Variants in DPF3 observed in about 807,000 individuals in gnomAD.
The protein encoded by DPF3 is zinc finger protein DPF3.
In DPF3, 18 loss-of-function variants were observed where a neutral mutation model predicts 56.8. The ratio of observed to expected loss-of-function variants is 0.32; its 90% confidence interval spans 0.22 to 0.47. The LOEUF (loss-of-function observed/expected upper bound fraction) is 0.47, where lower values mean the gene tolerates loss of function less well. Among genes scored for constraint, DPF3 ranks in the 20% least tolerant of loss-of-function variants. The pLI is 1.00. For synonymous variants in DPF3, 188 were observed against 180.2 expected (o/e 1.04, Z -0.35); for missense variants, 403 against 488.8 (o/e 0.82, Z 1.65).
chr14:72,847,051 T>A, intron 1 of DPF3, among the ~76,000 whole-genome samples: 1 of 152,174 alleles, frequency 6.6e-6, no homozygotes, highest in East Asian at 1.9e-4. Flanking sequence ...GGGTTCAACA[T>A]CCCACTTTGC....
At chr14:72,888,687 T>C (rs1886640996) in intron 1 of DPF3, among the ~76,000 whole-genome samples, 1 of 152,238 alleles carries the variant, frequency 6.6e-6, no homozygotes, top group South Asian at 2.1e-4. Flanking sequence ...CTATTTAAAA[T>C]TAGGGCCATG....
At chr14:72,786,063 A>G (rs1029532808) in intron 1 of DPF3, among the ~76,000 whole-genome samples, 1 of 152,178 alleles carries the variant, frequency 6.6e-6, no homozygotes, top group Non-Finnish European at 1.5e-5. Flanking sequence ...GGAGTTCGAG[A>G]CTAGCCTGGC....
intron 8 of DPF3, among the ~76,000 whole-genome samples, chr14:72,640,282 C>T (rs189001871): frequency 3.3e-5 from 5 of 152,158 alleles, no homozygotes; most frequent in East Asian, 1.9e-4. Flanking sequence ...GGGGACTCCT[C>T]GGAGGTTTTT....
chr14:72,673,511 A>G (rs529688780), intron 8 of DPF3, among the ~76,000 whole-genome samples: 31 of 152,376 alleles, frequency 2.0e-4, no homozygotes, highest in African/African-American at 7.0e-4. Context: ...AGAACTAAAA[A>G]ACAAAACAAC....
intron 1 of DPF3, among the ~76,000 whole-genome samples, chr14:72,859,561 G>A (rs921932319): frequency 5.1e-5 from 7 of 137,846 alleles, no homozygotes; most frequent in African/African-American, 1.6e-4. Context: ...ATCCCTCTTC[G>A]ACCTTACCCT....
At chr14:72,799,353 C>T (rs1402584046) in intron 1 of DPF3, among the ~76,000 whole-genome samples, 2 of 152,180 alleles carry the variant, frequency 1.3e-5, no homozygotes, top group African/African-American at 2.4e-5. Context: ...TGTGACTAGG[C>T]CTGGCCAATA....
intron 1 of DPF3, among the ~76,000 whole-genome samples, chr14:72,845,457 C>T (rs898303124): frequency 2.6e-5 from 4 of 152,182 alleles, no homozygotes; most frequent in South Asian, 2.1e-4. Context: ...CCAGGCCTGG[C>T]ATCTATGCTT....
rs185506658 is a variant in DPF3 at position 72,796,037 on chromosome 14, C to T, written c.33-24144G>A. Among the ~76,000 whole-genome samples the T allele has an allele frequency of 7.9e-5, 12 of 152,312 alleles. No individual in the cohort carries two copies. In the East Asian group the frequency reaches 1.7e-3, roughly 22 times the overall value. Reference sequence around the variant, plus strand: ...CAAACTGAGGCTAGGACCAAAGGAACGAAGACTTTATCTTACATGAATCAT... The same window carrying T: ...CAAACTGAGGCTAGGACCAAAGGAATGAAGACTTTATCTTACATGAATCAT... On this transcript the variant is annotated intron_variant, in intron 1 of 10. Coordinates refer to ENST00000556509, the MANE Select transcript of DPF3 (RefSeq NM_001280542.3).
chr14:72,882,111 T>C (rs1366421653), intron 1 of DPF3, among the ~76,000 whole-genome samples: 1 of 152,128 alleles, frequency 6.6e-6, no homozygotes, highest in Non-Finnish European at 1.5e-5. Flanking sequence ...AAAATCTCTC[T>C]ACAAAACTTG....
chr14:72,747,588 A>G (rs1023307434), intron 3 of DPF3, among the ~76,000 whole-genome samples: 13 of 151,426 alleles, frequency 8.6e-5, no homozygotes, highest in African/African-American at 2.9e-4. Context: ...AGGAGTTTGC[A>G]ACCAGGCTGG....
At chr14:72,886,473 C>A (rs1328383945) in intron 1 of DPF3, among the ~76,000 whole-genome samples, 2 of 152,166 alleles carry the variant, frequency 1.3e-5, no homozygotes, top group Non-Finnish European at 2.9e-5. Context: ...GTCTGAGCAA[C>A]ATAGCAAGAC....
At chr14:72,698,505 C>CA (rs1023342430) in intron 6 of DPF3, among the ~76,000 whole-genome samples, 10 of 151,324 alleles carry the variant, frequency 6.6e-5, no homozygotes, top group Non-Finnish European at 8.9e-5. Flanking sequence ...ATGGTCTCTA[C>CA]AAAAAATACA....
intron 1 of DPF3, among the ~76,000 whole-genome samples, chr14:72,867,666 T>G (rs1260802004): frequency 6.6e-6 from 1 of 152,228 alleles, no homozygotes. Flanking sequence ...AGTTGGGGGA[T>G]GGATACTTGG....
chr14:72,723,523 C>T, intron 5 of DPF3, 110 bp downstream of exon 5: 1 of 935,074 alleles, frequency 1.1e-6, no homozygotes, highest in Non-Finnish European at 1.6e-6. Flanking sequence ...GAGCGTTCTC[C>T]ATGTAAGACC....
chr14:72,799,891 A>G (rs1198193610), intron 1 of DPF3, among the ~76,000 whole-genome samples: 1 of 152,138 alleles, frequency 6.6e-6, no homozygotes, highest in African/African-American at 2.4e-5. Context: ...GAGTTTAGAG[A>G]TGAAGGAGAG....
intron 4 of DPF3, among the ~76,000 whole-genome samples, chr14:72,729,155 G>A (rs1889529821): frequency 6.6e-6 from 1 of 152,150 alleles, no homozygotes; most frequent in Admixed American, 6.6e-5. Flanking sequence ...GGCTGAGACA[G>A]GAGAATCACT....
At chr14:72,641,962 T>C (rs961861214) in intron 8 of DPF3, among the ~76,000 whole-genome samples, 1 of 152,220 alleles carries the variant, frequency 6.6e-6, no homozygotes, top group African/African-American at 2.4e-5. Flanking sequence ...TATTGTGTTG[T>C]GAGCTGCCTC....
In DPF3 at chr14:72,740,145, C is replaced by A. The variant is rs77564512; in HGVS notation, c.302-8211G>T. 5.3e-3 allele frequency among the ~76,000 whole-genome samples: 807 copies of A among 152,256 alleles called. 9 individuals carry two copies. The highest frequency in any genetic ancestry group is 0.019 in the African/African-American group (776 of 41,548). On this transcript the variant is annotated intron_variant, in intron 3 of 10. Coordinates refer to ENST00000556509, the MANE Select transcript of DPF3 (RefSeq NM_001280542.3). ...TTCAGCACAAAAGCTCTGAAGCCGGCCCATCTGCCTGGAGCACGGTGAGCC... is the reference window on the plus strand; with the variant it reads ...TTCAGCACAAAAGCTCTGAAGCCGGACCATCTGCCTGGAGCACGGTGAGCC...
At chr14:72,817,112 C>CG (rs1883322238) in intron 1 of DPF3, among the ~76,000 whole-genome samples, 1 of 152,142 alleles carries the variant, frequency 6.6e-6, no homozygotes, top group Non-Finnish European at 1.5e-5. Context: ...CTCACAGCCC[C>CG]GGGGGGACAG....
Sources: allele counts gnomAD v4.1 joint callset (sites outside exome capture counted in the v4.1 genomes callset), GRCh38; gene constraint gnomAD v4.1.1; transcripts MANE v1.5; gene names NCBI Gene and HGNC (gene_info 2026-07-23, HGNC 2026-07-21).